TMEM156: variants seen among roughly 807,000 people sequenced by gnomAD.
TMEM156 encodes the protein transmembrane protein 156.
TMEM156 carries 28 observed loss-of-function variants against 30.5 expected under a neutral mutation model. That is an observed-to-expected ratio of 0.92 (90% CI 0.68 to 1.26). The LOEUF (loss-of-function observed/expected upper bound fraction) is 1.26, where lower values mean the gene tolerates loss of function less well. Ranked by LOEUF, TMEM156 falls within the 50% of genes most tolerant of loss-of-function variation. TMEM156 has a pLI of 0.00. For missense variants in TMEM156, 351 were observed against 340.6 expected (o/e 1.03, Z -0.24); for synonymous variants, 137 against 119.9 (o/e 1.14, Z -0.93).
At chr4:39,007,021 T>C (rs1713785858) in intron 1 of TMEM156, among the ~76,000 whole-genome samples, 1 of 152,176 alleles carries the variant, frequency 6.6e-6, no homozygotes, top group Admixed American at 6.5e-5. Context: ...GTTTTTTCTT[T>C]ATGTATAACC....
intron 1 of TMEM156, among the ~76,000 whole-genome samples, chr4:39,006,175 C>T (rs920256384): frequency 6.6e-6 from 1 of 152,194 alleles, no homozygotes; most frequent in African/African-American, 2.4e-5. Context: ...GGATTACAGG[C>T]ATGAACCACT....
At chr4:39,032,084 A>C in intron 1 of TMEM156, 142 bp downstream of exon 1, 2 of 592,040 alleles carry the variant, frequency 3.4e-6, no homozygotes, top group Non-Finnish European at 6.1e-6. Flanking sequence ...CTAAAATTGC[A>C]ATCTTGTTTT....
At chr4:39,029,991 A>C (rs1293543338) in intron 1 of TMEM156, among the ~76,000 whole-genome samples, 2 of 152,076 alleles carry the variant, frequency 1.3e-5, no homozygotes, top group East Asian at 3.8e-4. Flanking sequence ...ATAATGTAAA[A>C]GAAGACAGTG....
chr4:39,005,567 G>A (rs898675463), intron 1 of TMEM156, among the ~76,000 whole-genome samples: 2 of 152,118 alleles, frequency 1.3e-5, no homozygotes, highest in Non-Finnish European at 1.5e-5. Flanking sequence ...TTATAGCAGT[G>A]TGAAAACAGA....
intron 1 of TMEM156, among the ~76,000 whole-genome samples, chr4:39,009,980 A>C (rs1714000653): frequency 6.6e-6 from 1 of 152,168 alleles, no homozygotes; most frequent in African/African-American, 2.4e-5. Context: ...TGATATGATT[A>C]TATACCTAGA....
intron 1 of TMEM156, among the ~76,000 whole-genome samples, chr4:39,026,875 C>T (rs949331165): frequency 1.3e-5 from 2 of 151,854 alleles, no homozygotes; most frequent in African/African-American, 2.4e-5. Flanking sequence ...TGCAGTGAGC[C>T]GAGATCACGC....
intron 5 of TMEM156, among the ~76,000 whole-genome samples, chr4:38,984,726 G>C (rs910025859): frequency 6.6e-6 from 1 of 152,136 alleles, no homozygotes; most frequent in African/African-American, 2.4e-5. Flanking sequence ...ATAAGAAAGA[G>C]TCTGCCTCTT....
intron 1 of TMEM156, among the ~76,000 whole-genome samples, chr4:39,004,094 C>A (rs1479585186): frequency 2.0e-5 from 3 of 152,134 alleles, no homozygotes; most frequent in African/African-American, 7.2e-5. Context: ...TTTTTGCTAT[C>A]AGGTGGACTA....
intron 1 of TMEM156, among the ~76,000 whole-genome samples, chr4:39,014,157 G>C (rs1560381133): frequency 6.6e-6 from 1 of 152,062 alleles, no homozygotes; most frequent in Non-Finnish European, 1.5e-5. Flanking sequence ...GGCTGTAAAA[G>C]ACCATAGTTT....
rs71641396 is a variant in TMEM156 at position 38,966,800 on chromosome 4, A to ATTTTTTTTT, written c.*871_*879dup. The ATTTTTTTTT allele has an allele frequency of 2.5e-5, 3 of 121,248 alleles. 1 individual carries two copies. Among genetic ancestry groups the ATTTTTTTTT allele is most frequent in the African/African-American group, 6.8e-5 (2 of 29,346 alleles). The allele number at this position is 121,248 out of a possible 1,614,324, so 7.5% of individuals were successfully genotyped here. On this transcript the variant is annotated 3_prime_UTR_variant, in exon 7 of 7. Coordinates refer to ENST00000381938, the MANE Select transcript of TMEM156 (RefSeq NM_024943.3). Reference sequence around the variant, plus strand: ...TAAATTCGTTTTATTGGTATCTTTGATTTTTTTTTTTTTTTTTTTTTGAGA... The same window carrying ATTTTTTTTT: ...TAAATTCGTTTTATTGGTATCTTTGATTTTTTTTTTTTTTTTTTTTTTTTTTTTTTGAGA...
At chr4:39,002,683 G>A (rs188674602) in intron 1 of TMEM156, among the ~76,000 whole-genome samples, 1,967 of 149,224 alleles carry the variant, frequency 0.013, 41 homozygotes, top group African/African-American at 0.043. Flanking sequence ...GCACATATAC[G>A]CCATGGAATA....
At chr4:38,992,611 G>C (rs544478119) in intron 3 of TMEM156, among the ~76,000 whole-genome samples, 93 of 146,744 alleles carry the variant, frequency 6.3e-4, no homozygotes, top group African/African-American at 2.2e-3. Flanking sequence ...CTCCAAGAGA[G>C]AACATGTTAA....
At chr4:38,984,795 C>T (rs566114282) in intron 5 of TMEM156, among the ~76,000 whole-genome samples, 1 of 152,270 alleles carries the variant, frequency 6.6e-6, no homozygotes, top group South Asian at 2.1e-4. Flanking sequence ...GCCATCACCC[C>T]TTGACCTACA....
At chr4:38,993,051 G>A (rs948020111) in intron 3 of TMEM156, among the ~76,000 whole-genome samples, 18 of 150,732 alleles carry the variant, frequency 1.2e-4, no homozygotes, top group African/African-American at 2.9e-4. Flanking sequence ...GTGAGCCACC[G>A]CACCCAGCCA....
intron 4 of TMEM156, among the ~76,000 whole-genome samples, 200 bp downstream of exon 4, chr4:38,988,651 T>TACTA (rs74279440): frequency 2.0e-4 from 30 of 152,018 alleles, no homozygotes; most frequent in Middle Eastern, 3.4e-3. Context: ...CTTCTTCTCT[T>TACTA]ACTTGCCCGA....
chr4:38,986,505 C>T (rs1031087627), intron 4 of TMEM156, 86 bp from the exon 5 acceptor site: 1 of 1,031,852 alleles, frequency 9.7e-7, no homozygotes, highest in East Asian at 2.6e-5. Flanking sequence ...AAAGGATTAC[C>T]AAAAAGAATG....
intron 3 of TMEM156, among the ~76,000 whole-genome samples, chr4:38,991,952 C>G (rs1472647401): frequency 1.3e-5 from 2 of 152,112 alleles, no homozygotes; most frequent in African/African-American, 4.8e-5. Flanking sequence ...CCATAGCCCC[C>G]ACTCATGCAC....
chr4:38,970,162 G>A (rs1722528954), intron 6 of TMEM156, among the ~76,000 whole-genome samples: 1 of 151,822 alleles, frequency 6.6e-6, no homozygotes, highest in Admixed American at 6.6e-5. Flanking sequence ...GTGTGTGTGT[G>A]TGTGTATACA....
intron 1 of TMEM156, among the ~76,000 whole-genome samples, chr4:39,017,050 G>A (rs969337362): frequency 6.6e-6 from 1 of 151,936 alleles, no homozygotes; most frequent in African/African-American, 2.4e-5. Flanking sequence ...CAGTATGGGG[G>A]AAACCACCCT....
Sources: allele counts gnomAD v4.1 joint callset (sites outside exome capture counted in the v4.1 genomes callset), GRCh38; gene constraint gnomAD v4.1.1; transcripts MANE v1.5; gene names NCBI Gene and HGNC (gene_info 2026-07-23, HGNC 2026-07-21).